Variants in UNC13B observed in about 807,000 individuals in gnomAD.
UNC13B encodes protein unc-13 homolog B.
A neutral mutation model predicts 211.0 loss-of-function variants in UNC13B; 144 were observed. That is an observed-to-expected ratio of 0.68 (90% CI 0.60 to 0.78). The LOEUF (loss-of-function observed/expected upper bound fraction) is 0.78, where lower values mean the gene tolerates loss of function less well. UNC13B is among the 30% of genes least tolerant of loss of function. The pLI is 0.00. For missense variants in UNC13B, 1,777 were observed against 2,002.0 expected, an observed-to-expected ratio of 0.89 and a Z score of 2.14; for synonymous variants, 709 against 725.8, an observed-to-expected ratio of 0.98 and a Z score of 0.37.
chr9:35,354,707 TTAA>T (rs1832918372), intron 11 of UNC13B, among the ~76,000 whole-genome samples: 2 of 152,360 alleles, frequency 1.3e-5, no homozygotes, highest in Middle Eastern at 3.4e-3. Context: ...TATAACCTGA[TTAA>T]TCTTCCTAAG....
At chr9:35,223,193 C>A (rs1362451382) in intron 1 of UNC13B, among the ~76,000 whole-genome samples, 1 of 152,132 alleles carries the variant, frequency 6.6e-6, no homozygotes, top group African/African-American at 2.4e-5. Flanking sequence ...GACATCCTTT[C>A]CTTTGGATAA....
At position 35,303,221 on chromosome 9, in the gene UNC13B, C is replaced by A; in HGVS notation, c.3817C>A (p.Pro1273Thr). The stretch of plus-strand genomic sequence containing the variant: ...TGGGGATGATAATCATTATTGTTCC[C>A]CTACAGAGAAAAACCAGCAAAGTGA... ...DAGDDNHYCS[P>T]TEKNQQSEKH... Residue 1273 changes from proline to threonine, a missense_variant, in exon 9 of 40, where the codon CCT (proline) becomes ACT (threonine). Transcript: ENST00000635942. 1 of 398,560 alleles carries A rather than the reference C, an allele frequency of 2.5e-6. No homozygotes were observed. 24.7% of individuals were successfully genotyped at this position (398,560 alleles called of 1,614,324 possible). A position where few individuals can be genotyped will look rare whatever the true frequency, so the allele number is the denominator to read the frequency against.
intron 7 of UNC13B, among the ~76,000 whole-genome samples, chr9:35,265,213 G>A (rs933047621): frequency 6.6e-6 from 1 of 152,190 alleles, no homozygotes; most frequent in Admixed American, 6.5e-5. Context: ...TCCCCAGTTT[G>A]ACTGTATTTG....
intron 24 of UNC13B, 139 bp from the exon 25 acceptor site, chr9:35,389,707 C>CTCT: frequency 1.2e-6 from 1 of 835,816 alleles, no homozygotes; most frequent in Non-Finnish European, 1.9e-6. Context: ...TTGTGGAAGA[C>CTCT]AGGCTCTAGG....
At position 35,297,466 on chromosome 9, in the gene UNC13B, C is replaced by A. The variant is rs188576948; in HGVS notation, c.761+1536C>A. On this transcript the variant is annotated intron_variant, in intron 8 of 39. Coordinates refer to ENST00000635942, the MANE Select transcript of UNC13B (RefSeq NM_001371189.2). ...GTTTGGTTTTGTCTGATTATTTCTT[C>A]ATGTTTAGAATCAGGTTAAACGTTT... 1.4e-3 allele frequency among the ~76,000 whole-genome samples: 210 copies of A among 150,932 alleles called. 1 individual carries two copies. Among genetic ancestry groups the A allele is most frequent in the African/African-American group, 4.7e-3 (192 of 41,006 alleles).
At chr9:35,338,108 G>A (rs567604009) in intron 11 of UNC13B, among the ~76,000 whole-genome samples, 6 of 152,106 alleles carry the variant, frequency 3.9e-5, no homozygotes, top group South Asian at 4.1e-4. Context: ...ACTTTTGATC[G>A]GGTTTATGTG....
At chr9:35,261,856 G>A (rs1316033149) in intron 7 of UNC13B, among the ~76,000 whole-genome samples, 3 of 152,018 alleles carry the variant, frequency 2.0e-5, no homozygotes, top group African/African-American at 7.3e-5. Flanking sequence ...TCCCACAAAC[G>A]AGTGAGAACA....
chr9:35,370,456 T>C, intron 13 of UNC13B, 60 bp downstream of exon 13: 1 of 1,513,318 alleles, frequency 6.6e-7, no homozygotes, highest in South Asian at 1.1e-5. Flanking sequence ...CCATTGGGCC[T>C]TGGCAAGCTG....
intron 7 of UNC13B, among the ~76,000 whole-genome samples, chr9:35,283,564 C>T (rs539563873): frequency 6.6e-6 from 1 of 151,768 alleles, no homozygotes; most frequent in Non-Finnish European, 1.5e-5. Flanking sequence ...TTGACACTTA[C>T]ATTCCAGGTT....
chr9:35,205,639 AATAAT>A (rs1230669442), intron 1 of UNC13B, among the ~76,000 whole-genome samples: 2 of 152,262 alleles, frequency 1.3e-5, no homozygotes, highest in African/African-American at 2.4e-5. Flanking sequence ...ATGTGAATGG[AATAAT>A]ATAATATGTA....
At chr9:35,197,475 TG>T (rs1468064522) in intron 1 of UNC13B, among the ~76,000 whole-genome samples, 16 of 152,234 alleles carry the variant, frequency 1.1e-4, no homozygotes, top group Non-Finnish European at 2.4e-4. Context: ...CCCAAAGTGT[TG>T]GGATTACAGG....
intron 26 of UNC13B, among the ~76,000 whole-genome samples, chr9:35,395,845 C>G (rs531374339): frequency 6.6e-6 from 1 of 152,154 alleles, no homozygotes; most frequent in African/African-American, 2.4e-5. Context: ...CCATAGTTTC[C>G]AAACTGACTA....
At position 35,404,857 on chromosome 9, in the gene UNC13B, G is replaced by A. The variant is rs3802423; in HGVS notation, c.*824G>A. ...AGGATCCAGGAGTATTTTCTTCTTG[G>A]GTGGGCCCTGAACAAAGCCAAAAAT... is the stretch of plus-strand genomic sequence containing the variant. On this transcript the variant is annotated 3_prime_UTR_variant, in exon 40 of 40. Transcript: ENST00000635942. 4,005 of 152,620 alleles carry A rather than the reference G, an allele frequency of 0.026. 182 individuals carry two copies. The highest frequency in any genetic ancestry group is 0.089 in the African/African-American group (3,710 of 41,484). 9.5% of individuals were successfully genotyped at this position (152,620 alleles called of 1,614,324 possible).
At chr9:35,191,994 C>T (rs1822685267) in intron 1 of UNC13B, among the ~76,000 whole-genome samples, 1 of 152,142 alleles carries the variant, frequency 6.6e-6, no homozygotes, top group African/African-American at 2.4e-5. Context: ...AAAACTTAAC[C>T]ACAAATATAA....
chr9:35,262,628 TA>T (rs1827345189), intron 7 of UNC13B, among the ~76,000 whole-genome samples: 1 of 151,984 alleles, frequency 6.6e-6, no homozygotes, highest in Admixed American at 6.6e-5. Context: ...TAGTCTTCTT[TA>T]ATATAATAAA....
intron 1 of UNC13B, among the ~76,000 whole-genome samples, chr9:35,183,729 G>A (rs1285639348): frequency 3.6e-5 from 5 of 137,984 alleles, no homozygotes; most frequent in East Asian, 2.3e-4. Flanking sequence ...CTTCCCAGAC[G>A]GGGCAGCCGG....
Position 35,304,963 on chromosome 9 carries a change from T to C in UNC13B, c.5559T>C (p.Ser1853=), listed in dbSNP as rs2131839159. 5 of 398,798 alleles carry C rather than the reference T, an allele frequency of 1.3e-5. No individual in the cohort carries two copies. The highest frequency in any genetic ancestry group is 2.2e-5 in the Non-Finnish European group (5 of 225,986). The allele number at this position is 398,798 out of a possible 1,614,324, so 24.7% of individuals were successfully genotyped here. A position where few individuals can be genotyped will look rare whatever the true frequency, so the allele number is the denominator to read the frequency against. ...LNKNNHVKKQ[S]LLKSGFQVSQ... ...AAAACAACCATGTGAAAAAGCAAAG[T>C]TTGTTAAAATCTGGTTTCCAGGTAA... The change falls in exon 9 of 40, where the codon AGT becomes AGC. Residue 1853 remains serine (S), a synonymous_variant. Transcript: ENST00000635942.
In UNC13B at chr9:35,308,195, A is replaced by C; in HGVS notation, c.8791A>C (p.Ile2931Leu). 2.5e-6 allele frequency: 1 copy of C among 399,762 alleles called. No individual in the cohort carries two copies. The highest frequency in any genetic ancestry group is 4.4e-6 in the Non-Finnish European group (1 of 226,708). The allele number at this position is 399,762 out of a possible 1,614,324, so 24.8% of individuals were successfully genotyped here. A position where few individuals can be genotyped will look rare whatever the true frequency, so the allele number is the denominator to read the frequency against. Residue 2931 changes from isoleucine to leucine, a missense_variant, in exon 9 of 40, where the codon ATC becomes CTC. Physicochemically the swap from Ile to Leu is conservative, Grantham distance 5. Transcript: ENST00000635942. ...TGGAGAAGGGGGAAACCAGCAGGAA[A>C]TCTCAGCATCTGGAGAACACTGGGA... ...GSGEGGNQQEISASGEHWDTK... is the reference protein window; with the variant it reads ...GSGEGGNQQELSASGEHWDTK...
In UNC13B at chr9:35,403,577, A is replaced by G. The variant is rs778537685; in HGVS notation, c.12715A>G (p.Lys4239Glu). The change falls in exon 39 of 40, where the codon AAG becomes GAG. Residue 4239 changes from lysine to glutamate, a missense_variant. Transcript: ENST00000635942. Reference sequence around the variant, plus strand: ...ATCCAAAAGCAACAACTGGGCCCCCAAGTACAATGAGACATTCCACTTGTA... The same window carrying G: ...ATCCAAAAGCAACAACTGGGCCCCCGAGTACAATGAGACATTCCACTTGTA... Reference protein sequence around the residue: ...TKSKSNNWAPKYNETFHFLLG... With the variant: ...TKSKSNNWAPEYNETFHFLLG... 2 of 1,603,124 alleles carry G rather than the reference A, an allele frequency of 1.2e-6. No individual in the cohort carries two copies. Among genetic ancestry groups the G allele is most frequent in the Admixed American group, 1.7e-5 (1 of 59,466 alleles).
Sources: gnomAD v4.1 joint callset for allele counts (sites outside exome capture counted in the v4.1 genomes callset) on GRCh38, gnomAD v4.1.1 for gene constraint, MANE v1.5 for transcripts, NCBI Gene and HGNC (gene_info 2026-07-23, HGNC 2026-07-21) for gene names.